AMMECR1: variants seen among roughly 807,000 people sequenced by gnomAD.
AMMECR1 encodes nuclear protein AMMECR1.
Under a neutral mutation model 22.5 loss-of-function variants are expected in AMMECR1, and 3 were observed. The ratio of observed to expected loss-of-function variants is 0.13; its 90% CI spans 0.06 to 0.35. The LOEUF (loss-of-function observed/expected upper bound fraction) is 0.35. Ranked by LOEUF, AMMECR1 falls within the 10% of genes least tolerant of loss-of-function variation. AMMECR1 has a pLI of 1.00. For missense variants in AMMECR1, 235 were observed against 278.7 expected, an observed-to-expected ratio of 0.84 and a Z score of 1.12; for synonymous variants, 130 against 116.7, an observed-to-expected ratio of 1.11 and a Z score of -0.74.
rs140603835 is a variant in AMMECR1 at position 110,356,313 on chromosome X, C to A, written c.-147-38464G>T. Among the ~76,000 whole-genome samples, 578 of 108,882 alleles carry A rather than the reference C, an allele frequency of 5.3e-3. 1 individual carries two copies. The highest frequency in any genetic ancestry group is 0.018 in the African/African-American group (522 of 29,799). 94.6% of individuals were successfully genotyped at this position (108,882 alleles called of 115,157 possible). A position where few individuals can be genotyped will look rare whatever the true frequency, so the allele number is the denominator to read the frequency against. On this transcript the variant is annotated intron_variant, in intron 2 of 7. Transcript: ENST00000372057. ...GATTACAGGCATGTACCTCCACACC[C>A]AGCTGATTTTTGTGTTTTTTTAGTG...
intron 2 of AMMECR1, among the ~76,000 whole-genome samples, chrX:110,378,223 G>T (rs770951969): frequency 2.5e-4 from 28 of 110,911 alleles, no homozygotes; most frequent in Middle Eastern, 9.3e-3. Flanking sequence ...GTATGGGAAG[G>T]TCCTTAATGC....
intron 2 of AMMECR1, among the ~76,000 whole-genome samples, chrX:110,415,070 A>C (rs146406816): frequency 8.9e-6 from 1 of 111,982 alleles, no homozygotes; most frequent in East Asian, 2.8e-4. Flanking sequence ...AGTGTGTTAT[A>C]ATTTCCTGCT....
At chrX:110,377,753 C>T (rs796200853) in intron 2 of AMMECR1, among the ~76,000 whole-genome samples, 23 of 111,391 alleles carry the variant, frequency 2.1e-4, no homozygotes, top group Non-Finnish European at 2.3e-4. Context: ...ACCTCCATCT[C>T]AATCCCAGCA....
At chrX:110,405,091 C>G (rs1452462100) in intron 2 of AMMECR1, among the ~76,000 whole-genome samples, 1 of 81,339 alleles carries the variant, frequency 1.2e-5, no homozygotes, top group Non-Finnish European at 2.2e-5. Flanking sequence ...TGTTGTGTCC[C>G]CCCCCCCCCC....
rs200864802 is a variant in AMMECR1 at position 110,254,637 on chromosome X, C to CA, written c.584+9851dup. ...GTACCTTATTTTCATTGAACAGATA[C>CA]AAAAAAAAAGAAAGAAAAAAGAAAA... On this transcript the variant is annotated intron_variant, in intron 2 of 5. Transcript: ENST00000262844. Among the ~76,000 whole-genome samples, 21 of 104,126 alleles carry CA rather than the reference C, an allele frequency of 2.0e-4. 1 individual carries two copies. Among genetic ancestry groups the CA allele is most frequent in the East Asian group, 1.2e-3 (4 of 3,380 alleles). 90.4% of individuals were successfully genotyped at this position (104,126 alleles called of 115,157 possible).
At chrX:110,234,728 G>A (rs922717475) in intron 2 of AMMECR1, among the ~76,000 whole-genome samples, 1 of 111,650 alleles carries the variant, frequency 9.0e-6, no homozygotes, top group African/African-American at 3.3e-5. Context: ...AAGAAATAGG[G>A]AAAGGATTCC....
chrX:110,281,377 T>C (rs1442323456), intron 1 of AMMECR1, among the ~76,000 whole-genome samples: 1 of 112,539 alleles, frequency 8.9e-6, no homozygotes, highest in Non-Finnish European at 1.9e-5. Context: ...TTTTATGCTG[T>C]GTTTTGTTAA....
chrX:110,306,175 CAGCT>C (rs200588016), intron 1 of AMMECR1, among the ~76,000 whole-genome samples: 2,496 of 106,354 alleles, frequency 0.023, 77 homozygotes, highest in African/African-American at 0.082. Flanking sequence ...CCTGTGGTCC[CAGCT>C]AGCTACTCGG....
At chrX:110,240,153 C>T (rs764305554) in intron 2 of AMMECR1, among the ~76,000 whole-genome samples, 24 of 110,544 alleles carry the variant, frequency 2.2e-4, no homozygotes, top group African/African-American at 7.6e-4. Flanking sequence ...CAACAACTAA[C>T]GGGCAAAATA....
chrX:110,229,020 C>G (rs2067548431), intron 2 of AMMECR1, among the ~76,000 whole-genome samples: 1 of 112,268 alleles, frequency 8.9e-6, no homozygotes, highest in South Asian at 3.7e-4. Flanking sequence ...CAAAATTGTT[C>G]AGGGCAAGAT....
rs757148731 is a variant in AMMECR1, at chrX:110,258,817, A to G, written c.584+5672T>C. Among the ~76,000 whole-genome samples the G allele has an allele frequency of 2.2e-4, 25 of 111,516 alleles. 1 individual carries two copies. The South Asian group carries it at 5.7e-3, about 25-fold the overall frequency. ...AAATCAATCTGGGTGATGCTACCAT[A>G]AAGACTAATATTAAATGAGAGGGAG... On this transcript the variant is annotated intron_variant, in intron 2 of 5. Coordinates refer to ENST00000262844, the MANE Select transcript of AMMECR1 (RefSeq NM_015365.3).
rs1482444071 is a variant in AMMECR1 at position 110,271,218 on chromosome X, T to C, written c.474-6619A>G. On this transcript the variant is annotated intron_variant, in intron 1 of 5. Transcript: ENST00000262844. ...GGAAAATAAGATCATACTGCTTAGA[T>C]AGACAGCATAAATTAGTATAGGAGA... Among the ~76,000 whole-genome samples the C allele has an allele frequency of 2.7e-5, 3 of 112,356 alleles. No individual in the cohort carries two copies. In the Admixed American group the frequency reaches 2.8e-4, roughly 11 times the overall value.
At chrX:110,359,886 T>C (rs745566569) in intron 2 of AMMECR1, among the ~76,000 whole-genome samples, 3 of 112,088 alleles carry the variant, frequency 2.7e-5, no homozygotes, top group Non-Finnish European at 1.9e-5. Context: ...AGACTTGAAC[T>C]TGGCATAGAA....
At chrX:110,328,291 C>T (rs1380559251) in intron 2 of AMMECR1, among the ~76,000 whole-genome samples, 2 of 111,638 alleles carry the variant, frequency 1.8e-5, no homozygotes, top group Non-Finnish European at 3.8e-5. Flanking sequence ...CATATCAGTA[C>T]ATACTTCGTA....
At chrX:110,387,880 G>C (rs1485767844) in intron 2 of AMMECR1, among the ~76,000 whole-genome samples, 1 of 12,318 alleles carries the variant, frequency 8.1e-5, no homozygotes, top group Non-Finnish European at 1.4e-4. Context: ...TTTTTTTTTT[G>C]AGACGGTGTC....
intron 1 of AMMECR1, among the ~76,000 whole-genome samples, chrX:110,308,385 G>A (rs1338933670): frequency 3.6e-5 from 4 of 110,561 alleles, no homozygotes; most frequent in Non-Finnish European, 7.6e-5. Context: ...TCCCTGCCTC[G>A]AACCACATGT....
intron 1 of AMMECR1, among the ~76,000 whole-genome samples, chrX:110,294,751 T>G (rs181515425): frequency 2.5e-4 from 28 of 111,462 alleles, no homozygotes; most frequent in African/African-American, 8.1e-4. Context: ...TTGTAAGTCA[T>G]TAGGTGAGAT....
intron 2 of AMMECR1, among the ~76,000 whole-genome samples, chrX:110,394,311 C>T (rs2068514605): frequency 9.0e-6 from 1 of 111,258 alleles, no homozygotes; most frequent in Non-Finnish European, 1.9e-5. Flanking sequence ...AGTGCAGTGG[C>T]GCAATCACGG....
chrX:110,223,201 TTTC>T (rs1481905853), intron 2 of AMMECR1, among the ~76,000 whole-genome samples: 1 of 112,671 alleles, frequency 8.9e-6, no homozygotes, highest in Non-Finnish European at 1.9e-5. Context: ...ACAGAAAGTA[TTTC>T]TTATTTCCCT....
Sources: gnomAD v4.1 joint callset for allele counts (sites outside exome capture counted in the v4.1 genomes callset) on GRCh38, gnomAD v4.1.1 for gene constraint, MANE v1.5 for transcripts, NCBI Gene and HGNC (gene_info 2026-07-23, HGNC 2026-07-21) for gene names.